The following ZEB1 variants were observed in gnomAD, a reference collection of about 807,000 sequenced individuals.
ZEB1 encodes zinc finger E-box-binding homeobox 1.
A neutral mutation model predicts 84.9 loss-of-function variants in ZEB1; 21 were observed. That is an observed-to-expected ratio of 0.25 (90% CI 0.18 to 0.36). The LOEUF (loss-of-function observed/expected upper bound fraction) is 0.36. Among genes scored for constraint, ZEB1 ranks in the 10% least tolerant of loss-of-function variants. The pLI, the probability that ZEB1 is intolerant of heterozygous loss-of-function variation, is 1.00. For synonymous variants in ZEB1, 420 were observed against 471.1 expected, an observed-to-expected ratio of 0.89 and a Z score of 1.41; for missense variants, 1,104 against 1,330.2, an observed-to-expected ratio of 0.83 and a Z score of 2.65.
At chr10:31,375,862 G>A (rs2046529261) in intron 1 of ZEB1, among the ~76,000 whole-genome samples, 2 of 151,664 alleles carry the variant, frequency 1.3e-5, no homozygotes, top group Admixed American at 6.6e-5. Flanking sequence ...AAATAAAATG[G>A]GGTGCCTTTC....
chr10:31,439,263 GT>G (rs1176800201), intron 1 of ZEB1, among the ~76,000 whole-genome samples: 1 of 151,940 alleles, frequency 6.6e-6, no homozygotes, highest in Non-Finnish European at 1.5e-5. Context: ...GACTATTAAG[GT>G]TTTTTTGTAA....
intron 2 of ZEB1, among the ~76,000 whole-genome samples, chr10:31,465,460 AT>A (rs1362643518): frequency 2.7e-5 from 4 of 146,442 alleles, no homozygotes; most frequent in East Asian, 3.9e-4. Flanking sequence ...ATTGCAAAAA[AT>A]ATATATATAT....
At chr10:31,509,750 T>TA (rs746694991) in intron 4 of ZEB1, among the ~76,000 whole-genome samples, 55 of 152,248 alleles carry the variant, frequency 3.6e-4, no homozygotes, top group Non-Finnish European at 6.9e-4. Flanking sequence ...AAAATGAAAA[T>TA]AGAGATGATG....
chr10:31,341,160 A>G (rs114474664), intron 1 of ZEB1, among the ~76,000 whole-genome samples: 1 of 152,254 alleles, frequency 6.6e-6, no homozygotes, highest in African/African-American at 2.4e-5. Flanking sequence ...GAGTACTCTG[A>G]TAGCTGATGT....
chr10:31,516,918 A>T (rs1456075619), intron 6 of ZEB1, among the ~76,000 whole-genome samples: 4 of 152,086 alleles, frequency 2.6e-5, no homozygotes, highest in Non-Finnish European at 4.4e-5. Flanking sequence ...CAGGACTGGT[A>T]CCAGTCTGCA....
chr10:31,381,222 C>G (rs1333080145), intron 1 of ZEB1, among the ~76,000 whole-genome samples: 1 of 152,080 alleles, frequency 6.6e-6, no homozygotes, highest in Non-Finnish European at 1.5e-5. Context: ...TTGTAGATGA[C>G]ATGATTAATT....
At chr10:31,413,400 G>A (rs1267861930) in intron 1 of ZEB1, among the ~76,000 whole-genome samples, 1 of 152,144 alleles carries the variant, frequency 6.6e-6, no homozygotes, top group Non-Finnish European at 1.5e-5. Context: ...TTTAGGTATT[G>A]TGTAGATGAT....
chr10:31,521,468 C>G lies in ZEB1; in HGVS notation c.2136C>G (p.Ser712=), dbSNP rs778317339. The G allele has an allele frequency of 2.5e-5, 40 of 1,613,956 alleles. No homozygotes were observed. Among genetic ancestry groups the G allele is most frequent in the Non-Finnish European group, 3.2e-5 (38 of 1,180,006 alleles). Residue 712 remains serine, a synonymous_variant, in exon 7 of 9, where the codon TCC becomes TCG. Coordinates refer to ENST00000424869, the MANE Select transcript of ZEB1 (RefSeq NM_001174096.2). ...CATCCCCATCACCTCTAAACCTTTC[C>G]TCATCCAGAAATACACAGGGTTACT... is the stretch of plus-strand genomic sequence containing the variant. ...STPSPSPLNL[S]SSRNTQGYLY... is the part of the protein sequence containing the mutation.
intron 6 of ZEB1, among the ~76,000 whole-genome samples, chr10:31,516,283 C>G (rs967653988): frequency 4.6e-5 from 7 of 151,986 alleles, no homozygotes; most frequent in Non-Finnish European, 8.8e-5. Flanking sequence ...GCACTGTCCA[C>G]TCATTATGTA....
At chr10:31,365,439 ATAT>A (rs1434196161) in intron 1 of ZEB1, among the ~76,000 whole-genome samples, 1 of 152,206 alleles carries the variant, frequency 6.6e-6, no homozygotes, top group African/African-American at 2.4e-5. Flanking sequence ...ATATTCAAAG[ATAT>A]TATTAAAAGG....
At position 31,526,786 on chromosome 10, in the gene ZEB1, G is replaced by A; in HGVS notation, c.2900G>A (p.Gly967Glu). 1 of 1,614,082 alleles carries A rather than the reference G, an allele frequency of 6.2e-7. No homozygotes were observed. The highest frequency in any genetic ancestry group is 2.2e-5 in the East Asian group (1 of 44,846). The part of the protein sequence containing the change: ...GEKPYQCDKC[G>E]KRFSHSGSYS... ...AAGCCCTATCAATGTGACAAATGTGGAAAGCGCTTCTCACACTCTGGGTCT... is the reference window on the plus strand; with the variant it reads ...AAGCCCTATCAATGTGACAAATGTGAAAAGCGCTTCTCACACTCTGGGTCT... Residue 967 changes from glycine (G) to glutamate (E), a missense_variant, in exon 9 of 9, where the codon GGA becomes GAA. Physicochemically the swap from Gly to Glu is moderately conservative, Grantham distance 98. Transcript: ENST00000424869.
At chr10:31,362,906 T>TA in intron 1 of ZEB1, 6 of 1,431,112 alleles carry the variant, frequency 4.2e-6, no homozygotes, top group Non-Finnish European at 4.8e-6. Flanking sequence ...CTCATGTTCT[T>TA]ACGCATGTTG....
upstream of ZEB1, chr10:31,318,829 T>C (rs145671608): frequency 5.9e-6 from 2 of 340,042 alleles, no homozygotes; most frequent in East Asian, 7.7e-5. Flanking sequence ...GATCCCTCCC[T>C]GCCCCGGGCA....
intron 2 of ZEB1, among the ~76,000 whole-genome samples, chr10:31,492,654 A>C (rs1348002441): frequency 2.6e-5 from 4 of 151,916 alleles, no homozygotes; most frequent in Non-Finnish European, 4.4e-5. Flanking sequence ...AGATATTCCC[A>C]TGAACATATT....
At chr10:31,445,278 T>A (rs2136756333) in intron 1 of ZEB1, among the ~76,000 whole-genome samples, 1 of 149,536 alleles carries the variant, frequency 6.7e-6, no homozygotes, top group East Asian at 1.9e-4. Context: ...ATCCTGAGAC[T>A]TTGCTGAAGT....
intron 1 of ZEB1, among the ~76,000 whole-genome samples, chr10:31,326,577 A>G (rs936784478): frequency 3.9e-5 from 6 of 152,220 alleles, no homozygotes; most frequent in African/African-American, 1.2e-4. Context: ...AGTCAAAGAG[A>G]TAAGATGACT....
rs186079584 is a variant in ZEB1 at position 31,449,510 on chromosome 10, G to A, written c.59-11527G>A. ...AGTTAAAGTCTTTGATTTCGTGTGG[G>A]TTTCATTTTGGTGAAAGTCTTGGGG... On this transcript the variant is annotated intron_variant, in intron 1 of 8. Transcript: ENST00000424869. Among the ~76,000 whole-genome samples, 841 of 152,090 alleles carry A rather than the reference G, an allele frequency of 5.5e-3. 11 individuals are homozygous for A. Among genetic ancestry groups the A allele is most frequent in the African/African-American group, 0.019 (792 of 41,516 alleles).
At chr10:31,329,731 T>C (rs535711465) in intron 1 of ZEB1, among the ~76,000 whole-genome samples, 1 of 152,302 alleles carries the variant, frequency 6.6e-6, no homozygotes, top group South Asian at 2.1e-4. Flanking sequence ...ATGTTTTTAA[T>C]TTTAACCATT....
chr10:31,460,721 G>A (rs951436920), intron 1 of ZEB1, among the ~76,000 whole-genome samples: 8 of 152,064 alleles, frequency 5.3e-5, no homozygotes, highest in African/African-American at 1.9e-4. Context: ...ATAAAACAAG[G>A]ATATAAGTAG....
Sources: gnomAD v4.1 joint callset for allele counts (sites outside exome capture counted in the v4.1 genomes callset) on GRCh38, gnomAD v4.1.1 for gene constraint, MANE v1.5 for transcripts, NCBI Gene and HGNC (gene_info 2026-07-23, HGNC 2026-07-21) for gene names.